Variants in ANXA2 observed in about 807,000 individuals in gnomAD.
ANXA2 encodes the protein annexin II.
In ANXA2, 28 loss-of-function variants were observed where a neutral mutation model predicts 47.3. The ratio of observed to expected loss-of-function variants is 0.59; its 90% confidence interval spans 0.44 to 0.81. The LOEUF (loss-of-function observed/expected upper bound fraction) is 0.81, where lower values mean the gene tolerates loss of function less well. Ranked by LOEUF, ANXA2 falls within the 40% of genes least tolerant of loss-of-function variation. The pLI is 0.00. For missense variants in ANXA2, 384 were observed against 414.3 expected (o/e 0.93, Z 0.64); for synonymous variants, 172 against 155.5 (o/e 1.11, Z -0.79).
At position 60,357,128 on chromosome 15, in the gene ANXA2, A is replaced by G; in HGVS notation, c.448+18T>C. On this transcript the variant is annotated intron_variant, in intron 6 of 12. Transcript: ENST00000451270. ...AAATTGGGCTGAGAGGATGAATCACAGAAATCAAGCTACTCACTTTCCTTG... is the reference window on the plus strand; with the variant it reads ...AAATTGGGCTGAGAGGATGAATCACGGAAATCAAGCTACTCACTTTCCTTG... 1 of 1,611,688 alleles carries G rather than the reference A, an allele frequency of 6.2e-7. No homozygotes were observed. The highest frequency in any genetic ancestry group is 8.5e-7 in the Non-Finnish European group (1 of 1,178,366).
chr15:60,367,439 GGGGGTC>G (rs1179018876), intron 3 of ANXA2, among the ~76,000 whole-genome samples: 7 of 85,712 alleles, frequency 8.2e-5, no homozygotes, highest in Admixed American at 2.2e-4. Context: ...AGGTGGGGGG[GGGGGTC>G]AGCCCCCCTT....
At chr15:60,397,752 C>G in intron 1 of ANXA2, 191 bp downstream of exon 1, 3 of 929,246 alleles carry the variant, frequency 3.2e-6, no homozygotes, top group Non-Finnish European at 1.4e-6. Flanking sequence ...CACCCCTGCC[C>G]CAAACACCTT....
intron 8 of ANXA2, among the ~76,000 whole-genome samples, chr15:60,353,070 C>A (rs2062373065): frequency 6.6e-6 from 1 of 152,128 alleles, no homozygotes; most frequent in Non-Finnish European, 1.5e-5. Context: ...ACTGCAAAAC[C>A]CAACTTCTAT....
Position 60,349,095 on chromosome 15 carries a change from A to C in ANXA2, c.940T>G (p.Ser314Ala), listed in dbSNP as rs371665193. The C allele has an allele frequency of 6.2e-7, 1 of 1,614,070 alleles. No individual in the cohort carries two copies. Among genetic ancestry groups the C allele is most frequent in the Non-Finnish European group, 8.5e-7 (1 of 1,180,004 alleles). Reference protein sequence around the residue: ...RSEFKRKYGKSLYYYIQQDTK... With the variant: ...RSEFKRKYGKALYYYIQQDTK... ...CTTACCTGGATATAATAGTACAGGGACTTGCCGTACTTTCTCTTGAATTCA... is the reference window on the plus strand; with the variant it reads ...CTTACCTGGATATAATAGTACAGGGCCTTGCCGTACTTTCTCTTGAATTCA... Residue 314 changes from serine (S) to alanine (A), a missense_variant, in exon 12 of 13, where the codon TCC becomes GCC. Physicochemically the swap from Ser to Ala is moderately conservative, Grantham distance 99. Coordinates refer to ENST00000451270, the MANE Select transcript of ANXA2 (RefSeq NM_004039.3).
At chr15:60,389,948 T>G (rs539347699) in intron 1 of ANXA2, among the ~76,000 whole-genome samples, 2 of 152,196 alleles carry the variant, frequency 1.3e-5, no homozygotes, top group Admixed American at 1.3e-4. Context: ...GGCAGAATGT[T>G]TTAAGTGCCC....
chr15:60,352,410 C>T lies in ANXA2; in HGVS notation c.655G>A (p.Glu219Lys), dbSNP rs745354147. ...DVPKWISIMT[E>K]RSVPHLQKVF... ...TTCTGGAGGTGGGGCACGCTCCGCT[C>T]GGTCATGATGCTGATCCACTTGGGA... is the stretch of plus-strand genomic sequence containing the variant. Residue 219 changes from glutamate to lysine, a missense_variant, in exon 9 of 13, where the codon GAG becomes AAG. By Grantham distance (56) the Glu-to-Lys change is moderately conservative. Transcript: ENST00000451270. The surrounding 1 kb of genome is among the most constrained non-coding windows in gnomAD (Gnocchi z 4.2). 15 of 1,613,598 alleles carry T rather than the reference C, an allele frequency of 9.3e-6. No homozygotes were observed. The highest frequency in any genetic ancestry group is 1.2e-5 in the Non-Finnish European group (14 of 1,179,730).
At position 60,357,176 on chromosome 15, in the gene ANXA2, G is replaced by T; in HGVS notation, c.418C>A (p.Leu140Met). ...TTGTAGACTCTGTTAATTTCCTGCAGCTCCTGGTTGGTTCTGGAGCAGATG... is the reference window on the plus strand; with the variant it reads ...TTGTAGACTCTGTTAATTTCCTGCATCTCCTGGTTGGTTCTGGAGCAGATG... ...EIICSRTNQE[L>M]QEINRVYKEM... Residue 140 changes from leucine to methionine, a missense_variant, in exon 6 of 13, where the codon CTG becomes ATG. Coordinates refer to ENST00000451270, the MANE Select transcript of ANXA2 (RefSeq NM_004039.3). 6.2e-7 allele frequency: 1 copy of T among 1,614,148 alleles called. No individual in the cohort carries two copies. The highest frequency in any genetic ancestry group is 1.1e-5 in the South Asian group (1 of 91,086).
intron 3 of ANXA2, among the ~76,000 whole-genome samples, chr15:60,377,784 T>G (rs1361525844): frequency 2.0e-5 from 3 of 152,112 alleles, no homozygotes; most frequent in Non-Finnish European, 4.4e-5. Flanking sequence ...TATTTTTTCT[T>G]TTTTGATTAA....
intron 10 of ANXA2, 111 bp from the exon 11 acceptor site, chr15:60,351,362 G>T: frequency 9.3e-7 from 1 of 1,076,808 alleles, no homozygotes; most frequent in Non-Finnish European, 1.4e-6. Flanking sequence ...CTAATGCAAT[G>T]GAAAAGGGCT....
chr15:60,367,144 A>G, intron 3 of ANXA2, among the ~76,000 whole-genome samples: 1 of 71,312 alleles, frequency 1.4e-5, no homozygotes, highest in African/African-American at 6.0e-5. Flanking sequence ...CCGCCCGGCC[A>G]GCCGCCCCGT....
intron 5 of ANXA2, among the ~76,000 whole-genome samples, chr15:60,359,811 T>C (rs2062485746): frequency 6.6e-6 from 1 of 152,058 alleles, no homozygotes; most frequent in African/African-American, 2.4e-5. Context: ...AGACCAATGG[T>C]TTCCCTCATC....
intron 3 of ANXA2, among the ~76,000 whole-genome samples, chr15:60,368,308 TAAAAA>T (rs147990822): frequency 1.5e-5 from 2 of 134,942 alleles, no homozygotes; most frequent in Non-Finnish European, 3.2e-5. Context: ...GAATGATCAA[TAAAAA>T]AAAAAAATAA....
chr15:60,348,039 T>C (rs1401012114), intron 12 of ANXA2, among the ~76,000 whole-genome samples: 1 of 152,194 alleles, frequency 6.6e-6, no homozygotes, highest in Non-Finnish European at 1.5e-5. Flanking sequence ...CGTCCTCGTC[T>C]TTCCACAGAA....
intron 1 of ANXA2, among the ~76,000 whole-genome samples, chr15:60,392,510 C>T (rs1160180761): frequency 3.7e-5 from 2 of 53,904 alleles, no homozygotes; most frequent in Admixed American, 2.2e-4. Flanking sequence ...AACTTTACTC[C>T]CAAAAAGAAG....
rs1308177470 is a variant in ANXA2, at chr15:60,352,277, C to T, written c.682+106G>A. On this transcript the variant is annotated intron_variant, in intron 9 of 12. Transcript: ENST00000451270. This position sits in a 1 kb window ranked among gnomAD's most constrained non-coding sequence, Gnocchi z 4.2. ...TGGGTGAGCCTATGAGAGTGCCAAG[C>T]GGAGACAGAACCTCATTCTGGCAGA... 5 of 701,110 alleles carry T rather than the reference C, an allele frequency of 7.1e-6. No individual in the cohort carries two copies. The highest frequency in any genetic ancestry group is 6.5e-4 in the Middle Eastern group (2 of 3,062). The allele number at this position is 701,110 out of a possible 1,614,324, so 43.4% of individuals were successfully genotyped here. A position where few individuals can be genotyped will look rare whatever the true frequency, so the allele number is the denominator to read the frequency against.
intron 1 of ANXA2, chr15:60,397,340 T>C (rs1595716723): frequency 2.0e-6 from 2 of 985,430 alleles, no homozygotes; most frequent in South Asian, 4.7e-5. Flanking sequence ...CAAGATAACC[T>C]AGAGCAAGGG....
intron 1 of ANXA2, chr15:60,393,477 T>C (rs1595713308): frequency 5.0e-6 from 5 of 996,852 alleles, no homozygotes; most frequent in Middle Eastern, 5.1e-4. Context: ...TTCAAGACCT[T>C]CCACACTGTG....
intron 11 of ANXA2, 22 bp from the exon 12 acceptor site, chr15:60,349,219 G>C: frequency 6.2e-7 from 1 of 1,612,964 alleles, no homozygotes; most frequent in Non-Finnish European, 8.5e-7. Flanking sequence ...GTTGATATTT[G>C]TTACATTCGC....
At chr15:60,397,765 C>G in intron 1 of ANXA2, 178 bp downstream of exon 1, 1 of 913,630 alleles carries the variant, frequency 1.1e-6, no homozygotes, top group Non-Finnish European at 1.4e-6. Context: ...AACACCTTGT[C>G]CCTGAGCCCC....
Sources: gnomAD v4.1 joint callset for allele counts (sites outside exome capture counted in the v4.1 genomes callset) on GRCh38, gnomAD v4.1.1 for gene constraint, Gnocchi (gnomAD v3.1) non-coding constraint, MANE v1.5 for transcripts, NCBI Gene and HGNC (gene_info 2026-07-23, HGNC 2026-07-21) for gene names.